The following CD109 variants were observed in gnomAD, a reference collection of about 807,000 sequenced individuals.
CD109 encodes the protein CD109 antigen.
Under a neutral mutation model 165.8 loss-of-function variants are expected in CD109, and 149 were observed. The ratio of observed to expected loss-of-function variants is 0.90; its 90% CI spans 0.79 to 1.03. The LOEUF (loss-of-function observed/expected upper bound fraction) is 1.03, where lower values mean the gene tolerates loss of function less well. Ranked by LOEUF, CD109 falls within the 50% of genes least tolerant of loss-of-function variation. The probability of loss-of-function intolerance (pLI) is 0.00; values close to 1 mark genes in which losing one functional copy is unlikely to be tolerated. For missense variants in CD109, 1,712 were observed against 1,677.8 expected, an observed-to-expected ratio of 1.02 and a Z score of -0.36; for synonymous variants, 585 against 592.1, an observed-to-expected ratio of 0.99 and a Z score of 0.18.
At chr6:73,801,929 A>T (rs535653352) in intron 23 of CD109, among the ~76,000 whole-genome samples, 1 of 152,282 alleles carries the variant, frequency 6.6e-6, no homozygotes, top group South Asian at 2.1e-4. Flanking sequence ...GTCATTGATA[A>T]TGCCTTGAGC....
intron 9 of CD109, among the ~76,000 whole-genome samples, 197 bp downstream of exon 9, chr6:73,763,079 A>G (rs1773695897): frequency 6.6e-6 from 1 of 152,170 alleles, no homozygotes; most frequent in South Asian, 2.1e-4. Flanking sequence ...GAAAGTCACT[A>G]CTTCAACCAC....
chr6:73,780,621 A>T, intron 16 of CD109, 123 bp downstream of exon 16: 1 of 628,690 alleles, frequency 1.6e-6, no homozygotes, highest in Non-Finnish European at 2.8e-6. Flanking sequence ...GCGCAGTCTT[A>T]TGTAAGTATA....
chr6:73,814,946 C>G (rs1248854942), intron 29 of CD109, 35 bp from the exon 30 acceptor site: 2 of 1,434,658 alleles, frequency 1.4e-6, no homozygotes, highest in African/African-American at 3.0e-5. Flanking sequence ...AAATTTATGT[C>G]CAACTTGTTA....
intron 32 of CD109, among the ~76,000 whole-genome samples, chr6:73,821,042 G>T (rs1322328196): frequency 6.6e-6 from 1 of 152,068 alleles, no homozygotes; most frequent in Non-Finnish European, 1.5e-5. Flanking sequence ...ACCATTCTCA[G>T]CAAACTATCG....
At chr6:73,700,778 G>A (rs979615389) in intron 2 of CD109, among the ~76,000 whole-genome samples, 3 of 147,000 alleles carry the variant, frequency 2.0e-5, no homozygotes, top group African/African-American at 7.6e-5. Context: ...CATTTATTGG[G>A]GATTGATTGT....
chr6:73,749,769 A>G (rs1181910109), intron 5 of CD109, among the ~76,000 whole-genome samples: 1 of 152,228 alleles, frequency 6.6e-6, no homozygotes, highest in East Asian at 1.9e-4. Flanking sequence ...TCCAAACATG[A>G]TAGTGTAGAA....
intron 2 of CD109, among the ~76,000 whole-genome samples, chr6:73,715,269 CAAAA>C (rs1771685378): frequency 6.7e-6 from 1 of 149,128 alleles, no homozygotes; most frequent in Admixed American, 6.7e-5. Flanking sequence ...CAAAAACAAA[CAAAA>C]AACCAGTGAT....
Position 73,777,368 on chromosome 6 carries a change from C to G in CD109, c.1828-3056C>G, listed in dbSNP as rs550832360. On this transcript the variant is annotated intron_variant, in intron 15 of 32. Transcript: ENST00000287097. ...ATGCACAGTTTGCAAAAATTTTCTC[C>G]CATTTTGTAGGTTGTTTACTGTGTT... is the stretch of plus-strand genomic sequence containing the variant. Among the ~76,000 whole-genome samples, 5 of 151,974 alleles carry G rather than the reference C, an allele frequency of 3.3e-5. No homozygotes were observed. In the East Asian group the frequency reaches 9.7e-4, roughly 29 times the overall value.
At chr6:73,790,861 C>T (rs931078518) in intron 22 of CD109, among the ~76,000 whole-genome samples, 1 of 151,980 alleles carries the variant, frequency 6.6e-6, no homozygotes, top group Non-Finnish European at 1.5e-5. Context: ...AGAAGCAATG[C>T]TTAATCTAGG....
At chr6:73,823,423 G>A in intron 32 of CD109, 35 bp from the exon 33 acceptor site, 1 of 1,523,084 alleles carries the variant, frequency 6.6e-7, no homozygotes, top group Non-Finnish European at 9.0e-7. Context: ...CTAAACAAGG[G>A]AGCCGTGTGA....
chr6:73,698,806 C>T (rs752924684), intron 2 of CD109, among the ~76,000 whole-genome samples: 2 of 152,090 alleles, frequency 1.3e-5, no homozygotes, highest in Admixed American at 1.3e-4. Context: ...TAGGTTAGCC[C>T]TTAAGATCTG....
At chr6:73,679,626 C>T in the CD109 span, among the ~76,000 whole-genome samples, 69 of 123,670 alleles carry the variant, frequency 5.6e-4, no homozygotes, top group Admixed American at 2.8e-3. Context: ...CTTTTCTTTT[C>T]TGTTTTTTTT....
At chr6:73,719,671 A>G (rs1433645706) in intron 2 of CD109, among the ~76,000 whole-genome samples, 4 of 152,206 alleles carry the variant, frequency 2.6e-5, no homozygotes, top group Non-Finnish European at 5.9e-5. Context: ...ATTCTGCTAC[A>G]TGGATGGTAT....
chr6:73,780,517 A>G lies in CD109; in HGVS notation c.1902+19A>G, dbSNP rs1351668002. ...CTTTCAGGTATGTTTTGCTTGCTAT[A>G]TTGAAAAGATATTAATATTTTTTAC... On this transcript the variant is annotated intron_variant, in intron 16 of 32. Transcript: ENST00000287097. 2.0e-6 allele frequency: 3 copies of G among 1,494,056 alleles called. No individual in the cohort carries two copies. The East Asian group carries it at 6.8e-5, about 34-fold the overall frequency. 92.5% of individuals were successfully genotyped at this position (1,494,056 alleles called of 1,614,324 possible).
intron 30 of CD109, among the ~76,000 whole-genome samples, chr6:73,817,855 G>A (rs749770839): frequency 6.6e-6 from 1 of 152,138 alleles, no homozygotes; most frequent in Non-Finnish European, 1.5e-5. Context: ...TGTTCTTCAA[G>A]TATATGGGAG....
intron 5 of CD109, among the ~76,000 whole-genome samples, chr6:73,740,936 C>T (rs1772756179): frequency 6.6e-6 from 1 of 152,028 alleles, no homozygotes; most frequent in South Asian, 2.1e-4. Flanking sequence ...GTGATTTGCC[C>T]AATGTCCCAC....
At chr6:73,754,993 T>C (rs1036779162) in intron 5 of CD109, among the ~76,000 whole-genome samples, 2 of 152,230 alleles carry the variant, frequency 1.3e-5, no homozygotes, top group Non-Finnish European at 1.5e-5. Flanking sequence ...GTTTGCTATA[T>C]GAATGAAACT....
chr6:73,700,330 C>A (rs956380039), intron 2 of CD109, among the ~76,000 whole-genome samples: 1 of 151,782 alleles, frequency 6.6e-6, no homozygotes, highest in Non-Finnish European at 1.5e-5. Flanking sequence ...AAGCGATCTT[C>A]CTGCCTCAGC....
intron 29 of CD109, among the ~76,000 whole-genome samples, chr6:73,814,371 C>A (rs1775857069): frequency 6.6e-6 from 1 of 152,030 alleles, no homozygotes; most frequent in Non-Finnish European, 1.5e-5. Flanking sequence ...GATTTAGGAT[C>A]CCTTTGAGAA....
Sources: gnomAD v4.1 joint callset for allele counts (sites outside exome capture counted in the v4.1 genomes callset) on GRCh38, gnomAD v4.1.1 for gene constraint, MANE v1.5 for transcripts, NCBI Gene and HGNC (gene_info 2026-07-23, HGNC 2026-07-21) for gene names.